Variants in EEA1 observed in about 807,000 individuals in gnomAD.
EEA1 encodes the protein early endosome antigen 1, 162kD.
In EEA1, 111 loss-of-function variants were observed where a neutral mutation model predicts 209.2. The ratio of observed to expected loss-of-function variants is 0.53; its 90% CI spans 0.45 to 0.62. The LOEUF (loss-of-function observed/expected upper bound fraction) is 0.62, where lower values mean the gene tolerates loss of function less well. Ranked by LOEUF, EEA1 falls within the 20% of genes least tolerant of loss-of-function variation. The pLI is 0.00. For missense variants in EEA1, 1,343 were observed against 1,530.8 expected, an observed-to-expected ratio of 0.88 and a Z score of 2.05; for synonymous variants, 536 against 540.6, an observed-to-expected ratio of 0.99 and a Z score of 0.12.
chr12:92,779,172 C>G lies in EEA1; in HGVS notation c.3597G>C (p.Gln1199His). The change falls in exon 25 of 29, where the codon CAG becomes CAC. Residue 1199 changes from glutamine to histidine, a missense_variant. Around this residue, in one of 3 missense-constraint regions of EEA1, gnomAD observed 1,307 missense variants for 1,465.5 expected, o/e 0.89. Transcript: ENST00000322349. Reference protein sequence around the residue: ...EKRNQQILKDQVKKEEEELKK... With the variant: ...EKRNQQILKDHVKKEEEELKK... ...TCAGCTCCTCTTCTTCCTTTTTCACCTGGTCTTTTAGTATCTGCTGATTTC... is the reference window on the plus strand; with the variant it reads ...TCAGCTCCTCTTCTTCCTTTTTCACGTGGTCTTTTAGTATCTGCTGATTTC... The G allele has an allele frequency of 6.2e-7, 1 of 1,609,642 alleles. No homozygotes were observed. Among genetic ancestry groups the G allele is most frequent in the Non-Finnish European group, 8.5e-7 (1 of 1,178,862 alleles).
intron 1 of EEA1, among the ~76,000 whole-genome samples, chr12:92,919,525 A>G (rs1217624289): frequency 2.7e-5 from 4 of 148,188 alleles, no homozygotes; most frequent in Non-Finnish European, 4.5e-5. Context: ...ATGCAGAAAA[A>G]GCCTTTGACA....
chr12:92,926,100 TCTC>T (rs2136793792), intron 1 of EEA1, among the ~76,000 whole-genome samples: 1 of 152,094 alleles, frequency 6.6e-6, no homozygotes, highest in African/African-American at 2.4e-5. Flanking sequence ...TTCAAGTGAT[TCTC>T]CTACCTCAGC....
At chr12:92,789,087 C>T (rs1027628084) in intron 21 of EEA1, among the ~76,000 whole-genome samples, 1 of 151,832 alleles carries the variant, frequency 6.6e-6, no homozygotes, top group African/African-American at 2.4e-5. Context: ...GTCAGGAGTT[C>T]GAGACCAGCC....
rs751532134 is a variant in EEA1, at chr12:92,780,280, C to T, written c.3468G>A (p.Lys1156=). ...ELKSHKLESI[K]EITNLKDAKQ... is the part of the protein sequence containing the mutation. ...AGGAGAAATGATTATCTTAACATAC[C>T]TTTATGCTTTCTAGTTTGTGGGACT... Residue 1156 remains lysine, a splice_region_variant and synonymous_variant, in exon 24 of 29, where the codon AAG becomes AAA. Coordinates refer to ENST00000322349, the MANE Select transcript of EEA1 (RefSeq NM_003566.4). 6 of 1,593,722 alleles carry T rather than the reference C, an allele frequency of 3.8e-6. No homozygotes were observed. The highest frequency in any genetic ancestry group is 1.7e-4 in the Middle Eastern group (1 of 5,988).
intron 1 of EEA1, among the ~76,000 whole-genome samples, chr12:92,902,165 C>T (rs1318176254): frequency 6.6e-6 from 1 of 151,940 alleles, no homozygotes; most frequent in Non-Finnish European, 1.5e-5. Flanking sequence ...CTTTACTCCA[C>T]CCTGGGCAAC....
At chr12:92,831,761 A>C (rs1282038006) in intron 11 of EEA1, among the ~76,000 whole-genome samples, 1 of 151,414 alleles carries the variant, frequency 6.6e-6, no homozygotes, top group African/African-American at 2.4e-5. Context: ...ATTTTCAAAA[A>C]AGTTTTCCCT....
chr12:92,866,925 A>G (rs1878424323), intron 2 of EEA1, among the ~76,000 whole-genome samples: 1 of 152,064 alleles, frequency 6.6e-6, no homozygotes, highest in Admixed American at 6.6e-5. Context: ...TCTCCTTTCC[A>G]TCTTCTCATC....
intron 26 of EEA1, 124 bp from the exon 27 acceptor site, chr12:92,777,787 T>C (rs1258294434): frequency 5.5e-6 from 7 of 1,270,470 alleles, no homozygotes; most frequent in Non-Finnish European, 6.4e-6. Context: ...GACTATCTGA[T>C]TGTTTTACAG....
chr12:92,788,268 A>AT (rs377183324), intron 21 of EEA1, among the ~76,000 whole-genome samples: 10,231 of 146,436 alleles, frequency 0.07, 349 homozygotes, highest in Middle Eastern at 0.11. Flanking sequence ...AAAGTAATTA[A>AT]TTTTTTTTTT....
chr12:92,779,141 C>T lies in EEA1; in HGVS notation c.3628G>A (p.Glu1210Lys). 6.2e-7 allele frequency: 1 copy of T among 1,602,024 alleles called. No homozygotes were observed. Among genetic ancestry groups the T allele is most frequent in the Non-Finnish European group, 8.5e-7 (1 of 1,177,254 alleles). The part of the protein sequence containing the change: ...VKKEEEELKK[E>K]FIEKEAKLHS... Reference sequence around the variant, plus strand: ...AACTTAGCTTCTTTCTCAATAAATTCTTTCTTCAGCTCCTCTTCTTCCTTT... The same window carrying T: ...AACTTAGCTTCTTTCTCAATAAATTTTTTCTTCAGCTCCTCTTCTTCCTTT... Residue 1210 changes from glutamate to lysine, a missense_variant, in exon 25 of 29, where the codon GAA becomes AAA. Glu to Lys is a moderately conservative substitution (Grantham distance 56). Coordinates refer to ENST00000322349, the MANE Select transcript of EEA1 (RefSeq NM_003566.4).
At chr12:92,832,113 T>TATCCA (rs1565826621) in intron 11 of EEA1, among the ~76,000 whole-genome samples, 1 of 142,884 alleles carries the variant, frequency 7.0e-6, no homozygotes, top group African/African-American at 2.8e-5. Context: ...AAAAAAAAAA[T>TATCCA]ATCCAATTTG....
In EEA1 at chr12:92,780,326, G is replaced by A; in HGVS notation, c.3422C>T (p.Thr1141Ile). Reference protein sequence around the residue: ...EIKCRQEKEITKLNEELKSHK... With the variant: ...EIKCRQEKEIIKLNEELKSHK... ...GGACTTGAGTTCTTCGTTTAGTTTA[G>A]TGATTTCTTTTTCTTGTCTACATTT... Residue 1141 changes from threonine (T) to isoleucine (I), a missense_variant, in exon 24 of 29, where the codon ACT becomes ATT. Around this residue, in one of 3 missense-constraint regions of EEA1, gnomAD observed 1,307 missense variants for 1,465.5 expected, o/e 0.89. Coordinates refer to ENST00000322349, the MANE Select transcript of EEA1 (RefSeq NM_003566.4). 1 of 1,603,566 alleles carries A rather than the reference G, an allele frequency of 6.2e-7. No individual in the cohort carries two copies. Among genetic ancestry groups the A allele is most frequent in the Non-Finnish European group, 8.5e-7 (1 of 1,176,498 alleles).
At chr12:92,776,806 A>G (rs1873674763) in intron 28 of EEA1, 38 bp downstream of exon 28, 1 of 1,555,788 alleles carries the variant, frequency 6.4e-7, no homozygotes, top group South Asian at 1.1e-5. Context: ...GTGACAAATG[A>G]AATCCAGAAA....
At chr12:92,840,728 AAC>A (rs1238136005) in intron 10 of EEA1, among the ~76,000 whole-genome samples, 1 of 152,270 alleles carries the variant, frequency 6.6e-6, no homozygotes, top group African/African-American at 2.4e-5. Context: ...CAGTAATCAA[AAC>A]AGTGTGGTAC....
intron 17 of EEA1, among the ~76,000 whole-genome samples, chr12:92,809,756 A>G (rs1875403669): frequency 6.6e-6 from 1 of 152,080 alleles, no homozygotes; most frequent in Non-Finnish European, 1.5e-5. Context: ...AGAAACATAA[A>G]TAGTTATTAT....
At chr12:92,817,144 T>C (rs1257407672) in intron 14 of EEA1, among the ~76,000 whole-genome samples, 2 of 151,252 alleles carry the variant, frequency 1.3e-5, no homozygotes, top group Non-Finnish European at 1.5e-5. Flanking sequence ...ATTGTACTTA[T>C]GCTAGCTTAC....
intron 2 of EEA1, among the ~76,000 whole-genome samples, chr12:92,881,681 T>C (rs1031173821): frequency 6.6e-6 from 1 of 152,096 alleles, no homozygotes; most frequent in Non-Finnish European, 1.5e-5. Flanking sequence ...GTAGTTTCAG[T>C]GGAAAAACTG....
chr12:92,893,650 T>G (rs938712009), intron 1 of EEA1, among the ~76,000 whole-genome samples: 3 of 152,162 alleles, frequency 2.0e-5, no homozygotes, highest in African/African-American at 7.2e-5. Context: ...ACTACTGATA[T>G]AAGAAAAAAG....
intron 1 of EEA1, among the ~76,000 whole-genome samples, chr12:92,904,846 C>T (rs1346073102): frequency 1.3e-5 from 2 of 152,222 alleles, no homozygotes; most frequent in Admixed American, 6.5e-5. Flanking sequence ...CCTCCCAGCA[C>T]ATGAATGCAT....
Sources: allele counts gnomAD v4.1 joint callset (sites outside exome capture counted in the v4.1 genomes callset), GRCh38; gene constraint gnomAD v4.1.1; regional missense constraint gnomAD v4.1.1; transcripts MANE v1.5; gene names NCBI Gene and HGNC (gene_info 2026-07-23, HGNC 2026-07-21).